Variants in FEZ2 observed in about 807,000 individuals in gnomAD.
FEZ2 encodes fasciculation and elongation protein zeta 2, also known as fasciculation and elongation protein zeta-2.
Under a neutral mutation model 40.4 loss-of-function variants are expected in FEZ2, and 51 were observed. The ratio of observed to expected loss-of-function variants is 1.26; its 90% CI spans 1.01 to 1.59. The LOEUF is 1.59. FEZ2 is among the 40% of genes most tolerant of loss of function. The pLI, the probability that FEZ2 is intolerant of heterozygous loss-of-function variation, is 0.00. For synonymous variants in FEZ2, 242 were observed against 172.0 expected, an observed-to-expected ratio of 1.41 and a Z score of -3.18; for missense variants, 640 against 438.3, an observed-to-expected ratio of 1.46 and a Z score of -4.11.
Position 36,553,125 on chromosome 2 carries a change from A to T in FEZ2, c.*38T>A, listed in dbSNP as rs1478567904. ...CAGCTCTCAGAATAATGCTGTCGGA[A>T]ATCTAGCTTGGAGCCCACCGCAGAT... is the stretch of plus-strand genomic sequence containing the variant. On this transcript the variant is annotated 3_prime_UTR_variant, in exon 8 of 8. Transcript: ENST00000405912. 1.9e-6 allele frequency: 3 copies of T among 1,547,312 alleles called. No individual in the cohort carries two copies. Among genetic ancestry groups the T allele is most frequent in the African/African-American group, 1.4e-5 (1 of 73,250 alleles).
intron 4 of FEZ2, chr2:36,579,067 A>G (rs1668661007): frequency 1.9e-6 from 1 of 517,194 alleles, no homozygotes; most frequent in East Asian, 3.1e-5. Flanking sequence ...GAGTAGAGGT[A>G]AGTGGGCAGG....
At chr2:36,575,282 T>C (rs1668529477) in intron 5 of FEZ2, among the ~76,000 whole-genome samples, 1 of 152,180 alleles carries the variant, frequency 6.6e-6, no homozygotes, top group South Asian at 2.1e-4. Flanking sequence ...CCTCCTGGGC[T>C]CAAGCAATCC....
chr2:36,580,688 A>T (rs892598065), intron 4 of FEZ2, among the ~76,000 whole-genome samples: 1 of 152,226 alleles, frequency 6.6e-6, no homozygotes, highest in African/African-American at 2.4e-5. Context: ...TACACTTCAA[A>T]TATGATGGGG....
chr2:36,567,548 C>T (rs548420752), intron 5 of FEZ2, among the ~76,000 whole-genome samples: 134 of 152,062 alleles, frequency 8.8e-4, no homozygotes, highest in African/African-American at 3.0e-3. Context: ...GATCACCTGA[C>T]GTCAGGAGTT....
chr2:36,574,372 A>G (rs970568663), intron 5 of FEZ2, among the ~76,000 whole-genome samples: 1 of 152,218 alleles, frequency 6.6e-6, no homozygotes, highest in Non-Finnish European at 1.5e-5. Context: ...TCGTTCACTC[A>G]TTCATTCAGC....
In FEZ2 at chr2:36,558,517, C is replaced by A. The variant is rs1668012386; in HGVS notation, c.904-4G>T. 3 of 1,478,796 alleles carry A rather than the reference C, an allele frequency of 2.0e-6. No homozygotes were observed. Among genetic ancestry groups the A allele is most frequent in the Admixed American group, 2.4e-5 (1 of 41,520 alleles). The allele number at this position is 1,478,796 out of a possible 1,614,324, so 91.6% of individuals were successfully genotyped here. ...AAGGAATGACTGTAGTCAAATACTG[C>A]CAAGTTTAAAAAAAAAAAGTGTCAC... On this transcript the variant is annotated splice_region_variant and splice_polypyrimidine_tract_variant and intron_variant, in intron 5 of 7. Transcript: ENST00000405912.
chr2:36,560,864 C>A, intron 5 of FEZ2: 1 of 1,602,736 alleles, frequency 6.2e-7, no homozygotes, highest in South Asian at 1.1e-5. Context: ...CATGCTGAAG[C>A]GCTAAAGGCG....
In FEZ2 at chr2:36,590,893, C is replaced by T; in HGVS notation, c.375+10G>A. The T allele has an allele frequency of 6.8e-7, 1 of 1,480,120 alleles. No homozygotes were observed. The highest frequency in any genetic ancestry group is 9.5e-7 in the Non-Finnish European group (1 of 1,058,104). 91.7% of individuals were successfully genotyped at this position (1,480,120 alleles called of 1,614,324 possible). A position where few individuals can be genotyped will look rare whatever the true frequency, so the allele number is the denominator to read the frequency against. ...TTATTCAAACACTATTGGTTCAATTCCTAACTTACCCCTTTTTCTGAGAGG... is the reference window on the plus strand; with the variant it reads ...TTATTCAAACACTATTGGTTCAATTTCTAACTTACCCCTTTTTCTGAGAGG... On this transcript the variant is annotated intron_variant, in intron 2 of 7. Transcript: ENST00000405912.
chr2:36,562,191 ATAT>A (rs1256298693), intron 5 of FEZ2, among the ~76,000 whole-genome samples: 13 of 152,294 alleles, frequency 8.5e-5, no homozygotes, highest in Non-Finnish European at 1.3e-4. Context: ...ATTTTGTAAA[ATAT>A]TATTTTTCAT....
rs868021455 is a variant in FEZ2, at chr2:36,576,290, G to C, written c.903+2307C>G. On this transcript the variant is annotated intron_variant, in intron 5 of 7. Transcript: ENST00000405912. ...TAGGCTTTTTATTTTTTTTTTTTGAGACAGAGCCTCGTTCTGTTGCCCGGG... is the reference window on the plus strand; with the variant it reads ...TAGGCTTTTTATTTTTTTTTTTTGACACAGAGCCTCGTTCTGTTGCCCGGG... 2.0e-5 allele frequency among the ~76,000 whole-genome samples: 3 copies of C among 146,854 alleles called. No individual in the cohort carries two copies. The South Asian group carries it at 6.4e-4, about 32-fold the overall frequency.
At chr2:36,563,574 G>A (rs1402535280) in intron 5 of FEZ2, among the ~76,000 whole-genome samples, 2 of 149,444 alleles carry the variant, frequency 1.3e-5, no homozygotes, top group African/African-American at 2.5e-5. Flanking sequence ...CCTATCAAAC[G>A]CTTCAGTTGC....
chr2:36,556,273 G>T, intron 6 of FEZ2: 4 of 209,130 alleles, frequency 1.9e-5, no homozygotes, highest in Non-Finnish European at 3.0e-5. Context: ...GCAGCATCGG[G>T]CATCTGCCTG....
At chr2:36,575,445 T>G (rs1353193422) in intron 5 of FEZ2, among the ~76,000 whole-genome samples, 1 of 152,124 alleles carries the variant, frequency 6.6e-6, no homozygotes, top group East Asian at 1.9e-4. Flanking sequence ...CACCTCAGCC[T>G]CTCAAAGTCC....
At chr2:36,593,288 A>G (rs1257291875) in intron 1 of FEZ2, among the ~76,000 whole-genome samples, 1 of 152,046 alleles carries the variant, frequency 6.6e-6, no homozygotes, top group African/African-American at 2.4e-5. Flanking sequence ...AAACTCATGG[A>G]CAGCGGCCCT....
rs552623220 is a variant in FEZ2, at chr2:36,579,647, C to T, written c.635-782G>A. Among the ~76,000 whole-genome samples, 30 of 152,292 alleles carry T rather than the reference C, an allele frequency of 2.0e-4. No individual in the cohort carries two copies. The South Asian group carries it at 6.0e-3, about 31-fold the overall frequency. On this transcript the variant is annotated intron_variant, in intron 4 of 7. Transcript: ENST00000405912. Reference sequence around the variant, plus strand: ...AAGCTCCCTGAGGCCCCCCCAGAAGCAGATGCTACCAGGCTTCCTGTATAG... The same window carrying T: ...AAGCTCCCTGAGGCCCCCCCAGAAGTAGATGCTACCAGGCTTCCTGTATAG...
At chr2:36,592,436 G>A (rs889221300) in intron 1 of FEZ2, among the ~76,000 whole-genome samples, 3 of 152,086 alleles carry the variant, frequency 2.0e-5, no homozygotes, top group Non-Finnish European at 4.4e-5. Context: ...TTAACAAATA[G>A]GGATTGGGCG....
intron 2 of FEZ2, among the ~76,000 whole-genome samples, chr2:36,584,534 G>C (rs1668845799): frequency 6.6e-6 from 1 of 152,200 alleles, no homozygotes; most frequent in Non-Finnish European, 1.5e-5. Context: ...GTCATGACAT[G>C]ACTATTCAGG....
intron 7 of FEZ2, among the ~76,000 whole-genome samples, 178 bp from the exon 8 acceptor site, chr2:36,553,357 C>G (rs1308306182): frequency 6.6e-6 from 1 of 152,152 alleles, no homozygotes; most frequent in Non-Finnish European, 1.5e-5. Flanking sequence ...AGGATGAGTT[C>G]TCTCAACACA....
chr2:36,566,478 C>G (rs969480069), intron 5 of FEZ2, among the ~76,000 whole-genome samples: 1 of 151,858 alleles, frequency 6.6e-6, no homozygotes, highest in Non-Finnish European at 1.5e-5. Context: ...TCTCAAAATC[C>G]TTAAGGACAG....
Sources: allele counts gnomAD v4.1 joint callset (sites outside exome capture counted in the v4.1 genomes callset), GRCh38; gene constraint gnomAD v4.1.1; transcripts MANE v1.5; gene names NCBI Gene and HGNC (gene_info 2026-07-23, HGNC 2026-07-21).